The following EVA1A variants were observed in gnomAD, a reference collection of about 807,000 sequenced individuals.
EVA1A encodes the protein protein eva-1 homolog A.
In EVA1A, 7 loss-of-function variants were observed where a neutral mutation model predicts 9.8. That is an observed-to-expected ratio of 0.71 (90% confidence interval 0.41 to 1.34). EVA1A has a LOEUF of 1.34. Ranked by LOEUF, EVA1A falls within the 40% of genes most tolerant of loss-of-function variation. The probability of loss-of-function intolerance (pLI) is 0.01; values close to 1 mark genes in which losing one functional copy is unlikely to be tolerated. For synonymous variants in EVA1A, 90 were observed against 85.6 expected (o/e 1.05, Z -0.28); for missense variants, 206 against 205.9 (o/e 1.00, Z 0.00).
chr2:75,494,750 T>A (rs1674147496), intron 3 of EVA1A, among the ~76,000 whole-genome samples: 1 of 152,196 alleles, frequency 6.6e-6, no homozygotes, highest in Non-Finnish European at 1.5e-5. Flanking sequence ...AATAAATGTG[T>A]GTTTTCAGCC....
chr2:75,493,565 T>C lies in EVA1A; in HGVS notation c.130A>G (p.Ile44Val). Reference sequence around the variant, plus strand: ...GCAGCCAGGGTCAGCACCAGCCCGATGCACACGCCAGAAACAAAGTACAGA... The same window carrying C: ...GCAGCCAGGGTCAGCACCAGCCCGACGCACACGCCAGAAACAAAGTACAGA... ...AALYFVSGVC[I>V]GLVLTLAALV... The change falls in exon 4 of 4, where the codon ATC (isoleucine) becomes GTC (valine). Residue 44 changes from isoleucine (I) to valine (V), a missense_variant. Transcript: ENST00000393913. The C allele has an allele frequency of 6.2e-7, 1 of 1,613,538 alleles. No individual in the cohort carries two copies. The highest frequency in any genetic ancestry group is 1.1e-5 in the South Asian group (1 of 90,976).
intron 1 of EVA1A, among the ~76,000 whole-genome samples, chr2:75,537,146 T>G (rs575821142): frequency 4.6e-5 from 7 of 152,340 alleles, no homozygotes; most frequent in Admixed American, 2.6e-4. Flanking sequence ...TGGGGCTTAT[T>G]TCAAGAATGC....
chr2:75,525,338 T>C (rs2103871334), intron 1 of EVA1A, among the ~76,000 whole-genome samples: 2 of 152,298 alleles, frequency 1.3e-5, no homozygotes, highest in South Asian at 4.1e-4. Context: ...CCCATTCTAC[T>C]TCCCTTCACA....
At chr2:75,549,061 A>G (rs1676439472) in intron 1 of EVA1A, among the ~76,000 whole-genome samples, 1 of 149,930 alleles carries the variant, frequency 6.7e-6, no homozygotes, top group Non-Finnish European at 1.5e-5. Context: ...AATCTAAGGT[A>G]TCACAGCTGT....
chr2:75,527,857 C>T (rs1240708584), intron 1 of EVA1A, among the ~76,000 whole-genome samples: 1 of 152,154 alleles, frequency 6.6e-6, no homozygotes, highest in African/African-American at 2.4e-5. Context: ...AAAGAATTCA[C>T]AAACCCTTTG....
At chr2:75,564,984 A>G (rs1190072986), upstream of EVA1A, among the ~76,000 whole-genome samples, 2 of 152,226 alleles carry the variant, frequency 1.3e-5, no homozygotes, top group African/African-American at 4.8e-5. Flanking sequence ...TTAGACTCCT[A>G]TGGTTTACCC....
At chr2:75,556,310 C>T (rs966702519) in intron 1 of EVA1A, among the ~76,000 whole-genome samples, 5 of 152,142 alleles carry the variant, frequency 3.3e-5, no homozygotes, top group Non-Finnish European at 7.3e-5. Context: ...ACTAGAGACA[C>T]AAAGCAGGGG....
At chr2:75,521,283 TA>T (rs36100971) in intron 2 of EVA1A, among the ~76,000 whole-genome samples, 1 of 152,298 alleles carries the variant, frequency 6.6e-6, no homozygotes, top group Non-Finnish European at 1.5e-5. Flanking sequence ...GACTATTCCT[TA>T]AAAAATGTTT....
At chr2:75,553,972 G>A (rs1676614591) in intron 1 of EVA1A, among the ~76,000 whole-genome samples, 1 of 152,208 alleles carries the variant, frequency 6.6e-6, no homozygotes, top group Non-Finnish European at 1.5e-5. Context: ...CAGGATGGGG[G>A]AACTCAGGAA....
At chr2:75,503,802 G>A (rs889156256) in intron 3 of EVA1A, among the ~76,000 whole-genome samples, 2 of 152,022 alleles carry the variant, frequency 1.3e-5, no homozygotes, top group African/African-American at 4.8e-5. Context: ...GAAGAGAAGC[G>A]GGATACACGG....
At chr2:75,555,019 T>C (rs186719478) in intron 1 of EVA1A, among the ~76,000 whole-genome samples, 1 of 152,318 alleles carries the variant, frequency 6.6e-6, no homozygotes, top group East Asian at 1.9e-4. Flanking sequence ...TATCACTTAC[T>C]AAGTGCCTCC....
intron 3 of EVA1A, among the ~76,000 whole-genome samples, chr2:75,499,696 C>T (rs1276006975): frequency 2.0e-5 from 3 of 152,070 alleles, no homozygotes; most frequent in Non-Finnish European, 4.4e-5. Context: ...GATTTTCTGC[C>T]ACTAGTTGCA....
At chr2:75,558,790 A>C (rs980213121) in intron 1 of EVA1A, 4 of 152,250 alleles carry the variant, frequency 2.6e-5, no homozygotes, top group African/African-American at 9.6e-5. Context: ...AGCCATGTGT[A>C]CAAGGTCGGG....
chr2:75,558,725 T>C (rs1243690251), intron 1 of EVA1A: 2 of 152,172 alleles, frequency 1.3e-5, no homozygotes, highest in African/African-American at 4.8e-5. Flanking sequence ...AATAGTGGGT[T>C]GGGGGAATGT....
At chr2:75,565,904 G>GTT, upstream of EVA1A, among the ~76,000 whole-genome samples, 1 of 152,138 alleles carries the variant, frequency 6.6e-6, no homozygotes, top group South Asian at 2.1e-4. Context: ...CTTAACAAAA[G>GTT]TGAATTTGAA....
chr2:75,553,880 C>T (rs1165478058), intron 1 of EVA1A, among the ~76,000 whole-genome samples: 1 of 152,176 alleles, frequency 6.6e-6, no homozygotes, highest in African/African-American at 2.4e-5. Flanking sequence ...GTGCTCATTC[C>T]GCCCACTCTC....
intron 3 of EVA1A, among the ~76,000 whole-genome samples, chr2:75,505,800 ACT>A (rs1207030834): frequency 1.3e-5 from 2 of 151,420 alleles, no homozygotes; most frequent in African/African-American, 2.4e-5. Context: ...GAAGACAGAG[ACT>A]CTGTCTCAGA....
chr2:75,518,522 T>C (rs1675099197), intron 2 of EVA1A: 2 of 871,634 alleles, frequency 2.3e-6, no homozygotes, highest in Non-Finnish European at 2.8e-6. Flanking sequence ...GTGCTCTTTG[T>C]TCAAGCGAGC....
chr2:75,513,752 G>A (rs1478077688), intron 3 of EVA1A, among the ~76,000 whole-genome samples: 1 of 152,158 alleles, frequency 6.6e-6, no homozygotes, highest in Admixed American at 6.5e-5. Flanking sequence ...GATAAAGCTG[G>A]AATATATTAC....
Sources: allele counts gnomAD v4.1 joint callset (sites outside exome capture counted in the v4.1 genomes callset), GRCh38; gene constraint gnomAD v4.1.1; transcripts MANE v1.5; gene names NCBI Gene and HGNC (gene_info 2026-07-23, HGNC 2026-07-21).